Variants in SLIT2 observed in about 807,000 individuals in gnomAD.
SLIT2 encodes the protein slit homolog 2 protein.
SLIT2 carries 41 observed loss-of-function variants against 185.7 expected under a neutral mutation model. That is an observed-to-expected ratio of 0.22 (90% CI 0.17 to 0.29). The LOEUF is 0.29. Ranked by LOEUF, SLIT2 falls within the 10% of genes least tolerant of loss-of-function variation. The probability of loss-of-function intolerance (pLI) is 1.00; values close to 1 mark genes in which losing one functional copy is unlikely to be tolerated. For missense variants in SLIT2, 1,571 were observed against 1,909.0 expected (o/e 0.82, Z 3.30); for synonymous variants, 693 against 680.2 (o/e 1.02, Z -0.29).
chr4:20,276,051 C>T (rs1480700421), intron 4 of SLIT2, among the ~76,000 whole-genome samples: 2 of 152,022 alleles, frequency 1.3e-5, no homozygotes, highest in African/African-American at 2.4e-5. Flanking sequence ...GTAATATGTA[C>T]ATATGATTTG....
chr4:20,283,120 G>GCGCACACACACACA (rs143964894), intron 4 of SLIT2, among the ~76,000 whole-genome samples: 27 of 149,958 alleles, frequency 1.8e-4, no homozygotes, highest in African/African-American at 6.6e-4. Flanking sequence ...GTGCGCGCGC[G>GCGCACACACACACA]CACACACACA....
At chr4:20,510,929 C>A (rs1719639196) in intron 10 of SLIT2, 137 bp from the exon 11 acceptor site, 1 of 557,474 alleles carries the variant, frequency 1.8e-6, no homozygotes, top group East Asian at 2.8e-5. Context: ...TCTGATCCTT[C>A]AGATGTTCAA....
intron 4 of SLIT2, among the ~76,000 whole-genome samples, chr4:20,280,711 T>C (rs16869481): frequency 0.038 from 5,714 of 152,252 alleles, 272 homozygotes; most frequent in East Asian, 0.1. Context: ...TGGTAATAAA[T>C]CAGGAATTAG....
rs543334732 is a variant in SLIT2, at chr4:20,531,432, A to G, written c.1614-552A>G. Among the ~76,000 whole-genome samples the G allele has an allele frequency of 7.9e-5, 12 of 152,340 alleles. No individual in the cohort carries two copies. The East Asian group carries it at 1.7e-3, about 22-fold the overall frequency. On this transcript the variant is annotated intron_variant, in intron 16 of 36. Coordinates refer to ENST00000504154, the MANE Select transcript of SLIT2 (RefSeq NM_004787.4). Reference sequence around the variant, plus strand: ...CAGACTAGGAAAATTAGTAAAAGCAAAAAGTAACCTAGTGGTTGCCAAGGA... The same window carrying G: ...CAGACTAGGAAAATTAGTAAAAGCAGAAAGTAACCTAGTGGTTGCCAAGGA...
chr4:20,547,841 A>G (rs906334520), intron 22 of SLIT2, among the ~76,000 whole-genome samples: 1 of 152,018 alleles, frequency 6.6e-6, no homozygotes, highest in African/African-American at 2.4e-5. Flanking sequence ...GCCATTTAAC[A>G]TTGGTAAAAA....
At chr4:20,421,306 C>T (rs895505791) in intron 4 of SLIT2, among the ~76,000 whole-genome samples, 4 of 152,148 alleles carry the variant, frequency 2.6e-5, no homozygotes, top group African/African-American at 7.2e-5. Context: ...CTTTTCATGC[C>T]ACTTAGAATT....
intron 4 of SLIT2, among the ~76,000 whole-genome samples, chr4:20,377,212 C>T (rs569241510): frequency 7.9e-5 from 12 of 151,886 alleles, no homozygotes; most frequent in Non-Finnish European, 1.8e-4. Flanking sequence ...TAATAAATGT[C>T]TAAATCATTC....
chr4:20,518,697 C>T (rs1339876616), intron 11 of SLIT2, among the ~76,000 whole-genome samples: 2 of 124,602 alleles, frequency 1.6e-5, no homozygotes, highest in Admixed American at 8.7e-5. Flanking sequence ...CTCCGCCTCC[C>T]GGGTTCACGC....
At chr4:20,500,885 A>G (rs998305456) in intron 9 of SLIT2, among the ~76,000 whole-genome samples, 2 of 152,202 alleles carry the variant, frequency 1.3e-5, no homozygotes, top group African/African-American at 4.8e-5. Context: ...GTACTATGAA[A>G]GTACTAGTTT....
rs148155035 is a variant in SLIT2, at chr4:20,529,055, G to T, written c.1569G>T (p.Lys523Asn). 1.4e-5 allele frequency: 23 copies of T among 1,613,870 alleles called. No individual in the cohort carries two copies. In the African/African-American group the frequency reaches 2.9e-4, roughly 21 times the overall value. Residue 523 changes from lysine (K) to asparagine (N), a missense_variant, in exon 16 of 37, where the codon AAG becomes AAT. Around this residue, in one of 3 missense-constraint regions of SLIT2, gnomAD observed 1,202 missense variants for 1,416.4 expected, o/e 0.85. Coordinates refer to ENST00000504154, the MANE Select transcript of SLIT2 (RefSeq NM_004787.4). ...CCACAGTAGATTGCTCTAATCAAAA[G>T]CTCAACAAAATCCCGGAGCACATTC... ...EGTTVDCSNQ[K>N]LNKIPEHIPQ...
At chr4:20,580,224 T>C (rs1262800420) in intron 29 of SLIT2, among the ~76,000 whole-genome samples, 1 of 150,824 alleles carries the variant, frequency 6.6e-6, no homozygotes, top group African/African-American at 2.4e-5. Flanking sequence ...CCATACCCAG[T>C]TATTTTTTGT....
chr4:20,312,667 G>T (rs1169831664), intron 4 of SLIT2, among the ~76,000 whole-genome samples: 2 of 151,400 alleles, frequency 1.3e-5, no homozygotes, highest in Non-Finnish European at 2.9e-5. Flanking sequence ...CAGCTACTTG[G>T]GAGGCTGAGG....
Position 20,253,832 on chromosome 4 carries a change from G to T in SLIT2, c.17G>T (p.Trp6Leu). Residue 6 changes from tryptophan (W) to leucine (L), a missense_variant, in exon 1 of 37, where the codon TGG becomes TTG. By Grantham distance (61) the Trp-to-Leu change is moderately conservative. Coordinates refer to ENST00000504154, the MANE Select transcript of SLIT2 (RefSeq NM_004787.4). Reference sequence around the variant, plus strand: ...CGGGGAAAGATGCGCGGCGTTGGCTGGCAGATGCTGTCCCTGTCGCTGGGG... The same window carrying T: ...CGGGGAAAGATGCGCGGCGTTGGCTTGCAGATGCTGTCCCTGTCGCTGGGG... The part of the protein sequence containing the change: MRGVG[W>L]QMLSLSLGLV... 1 of 1,599,504 alleles carries T rather than the reference G, an allele frequency of 6.3e-7. No individual in the cohort carries two copies. Among genetic ancestry groups the T allele is most frequent in the South Asian group, 1.1e-5 (1 of 91,038 alleles).
chr4:20,446,794 C>T (rs1028009391), intron 4 of SLIT2, among the ~76,000 whole-genome samples: 8 of 152,090 alleles, frequency 5.3e-5, no homozygotes, highest in East Asian at 1.9e-4. Flanking sequence ...TATGTACAGA[C>T]GGATAATAGG....
At chr4:20,273,068 G>A (rs1364225182) in intron 4 of SLIT2, among the ~76,000 whole-genome samples, 1 of 151,928 alleles carries the variant, frequency 6.6e-6, no homozygotes, top group African/African-American at 2.4e-5. Context: ...TATAATAATT[G>A]GGACTTTCTT....
chr4:20,371,662 A>T (rs992624512), intron 4 of SLIT2, among the ~76,000 whole-genome samples: 3 of 152,044 alleles, frequency 2.0e-5, no homozygotes, highest in Non-Finnish European at 4.4e-5. Flanking sequence ...GTGCATGGTT[A>T]TGCCACCCGA....
chr4:20,436,303 G>T lies in SLIT2; in HGVS notation c.396-31449G>T, dbSNP rs141250052. ...TAAGTAAAAACTATATGCTTGTTAG[G>T]CAAACAGTGCTTCAGTACATGTACC... On this transcript the variant is annotated intron_variant, in intron 4 of 36. Transcript: ENST00000504154. 9.1e-4 allele frequency among the ~76,000 whole-genome samples: 138 copies of T among 152,228 alleles called. 3 individuals carry two copies. The highest frequency in any genetic ancestry group is 2.9e-4 in the Non-Finnish European group (20 of 68,018).
intron 4 of SLIT2, among the ~76,000 whole-genome samples, chr4:20,429,972 A>ATTT (rs1311491500): frequency 2.6e-5 from 4 of 152,162 alleles, no homozygotes; most frequent in Non-Finnish European, 5.9e-5. Flanking sequence ...AACAAATTAT[A>ATTT]TTTTCATTTA....
chr4:20,510,332 AT>A, intron 9 of SLIT2, among the ~76,000 whole-genome samples, 162 bp from the exon 10 acceptor site: 1 of 152,258 alleles, frequency 6.6e-6, no homozygotes, highest in Admixed American at 6.5e-5. Context: ...TTTGCTTCAC[AT>A]TTAGGGACAG....
Sources: gnomAD v4.1 joint callset for allele counts (sites outside exome capture counted in the v4.1 genomes callset) on GRCh38, gnomAD v4.1.1 for gene constraint, gnomAD v4.1.1 regional missense constraint, MANE v1.5 for transcripts, NCBI Gene and HGNC (gene_info 2026-07-23, HGNC 2026-07-21) for gene names.